The following DIAPH2 variants were observed in gnomAD, a reference collection of about 807,000 sequenced individuals.
The protein encoded by DIAPH2 is diaphanous related formin 2.
A neutral mutation model predicts 92.7 loss-of-function variants in DIAPH2; 35 were observed. The observed-to-expected ratio is 0.38, with a 90% CI of 0.29 to 0.50. The LOEUF is 0.50. Among genes scored for constraint, DIAPH2 ranks in the 20% least tolerant of loss-of-function variants. The probability of loss-of-function intolerance (pLI) is 0.94; values close to 1 mark genes in which losing one functional copy is unlikely to be tolerated. For synonymous variants in DIAPH2, 301 were observed against 280.4 expected, an observed-to-expected ratio of 1.07 and a Z score of -0.73; for missense variants, 701 against 819.5, an observed-to-expected ratio of 0.86 and a Z score of 1.77.
At chrX:97,531,094 A>G (rs1031705317) in intron 26 of DIAPH2, among the ~76,000 whole-genome samples, 2 of 111,119 alleles carry the variant, frequency 1.8e-5, no homozygotes, top group East Asian at 2.8e-4. Context: ...ATTTTGGTCC[A>G]TTAATTTGTA....
Position 97,130,642 on chromosome X carries a change from A to G in DIAPH2, c.2590-11023A>G, listed in dbSNP as rs182721013. Among the ~76,000 whole-genome samples the G allele has an allele frequency of 9.0e-5, 10 of 111,712 alleles. No homozygotes were observed. In the East Asian group the frequency reaches 2.8e-3, roughly 31 times the overall value. On this transcript the variant is annotated intron_variant, in intron 21 of 26. Coordinates refer to ENST00000324765, the MANE Select transcript of DIAPH2 (RefSeq NM_006729.5). The stretch of plus-strand genomic sequence containing the variant: ...TTAATGTTTAATGGGTAACAGTTTC[A>G]GTATAGGATGATTAAAACGTCCTGG...
At chrX:97,071,414 T>C (rs1391596190) in intron 17 of DIAPH2, among the ~76,000 whole-genome samples, 1 of 111,020 alleles carries the variant, frequency 9.0e-6, no homozygotes, top group Non-Finnish European at 1.9e-5. Flanking sequence ...AAAAGTCACT[T>C]TTCTTCCAGT....
chrX:97,135,259 C>T (rs762570600), intron 21 of DIAPH2, among the ~76,000 whole-genome samples: 4 of 111,220 alleles, frequency 3.6e-5, no homozygotes, highest in African/African-American at 9.8e-5. Context: ...AGTGCAGTGG[C>T]GCAATCTCGG....
At chrX:97,026,850 A>G (rs2066338686) in intron 17 of DIAPH2, among the ~76,000 whole-genome samples, 1 of 112,211 alleles carries the variant, frequency 8.9e-6, no homozygotes, top group South Asian at 3.7e-4. Context: ...TTGTGTGAGG[A>G]GTTGCTAAGT....
chrX:97,450,180 A>G (rs1030781268), intron 26 of DIAPH2, among the ~76,000 whole-genome samples: 1 of 111,738 alleles, frequency 8.9e-6, no homozygotes, highest in Admixed American at 9.6e-5. Flanking sequence ...AGATATATCC[A>G]CCAGCTGTGA....
chrX:97,327,271 G>A (rs2068959580), intron 23 of DIAPH2, among the ~76,000 whole-genome samples: 1 of 108,487 alleles, frequency 9.2e-6, no homozygotes, highest in Non-Finnish European at 1.9e-5. Context: ...GCTAATTTTT[G>A]TATTTTTAGT....
chrX:97,393,406 C>T (rs1277584500), intron 25 of DIAPH2, among the ~76,000 whole-genome samples: 1 of 111,949 alleles, frequency 8.9e-6, no homozygotes, highest in Non-Finnish European at 1.9e-5. Context: ...ATCCAATCAA[C>T]GTTTATTGCA....
At chrX:96,960,328 G>T (rs1318102890) in intron 16 of DIAPH2, among the ~76,000 whole-genome samples, 4 of 110,269 alleles carry the variant, frequency 3.6e-5, no homozygotes, top group Non-Finnish European at 7.6e-5. Flanking sequence ...TTACTTCTTT[G>T]GTTAAATTTA....
chrX:97,292,193 T>G (rs2147613899), intron 23 of DIAPH2, among the ~76,000 whole-genome samples: 1 of 109,125 alleles, frequency 9.2e-6, no homozygotes, highest in African/African-American at 3.3e-5. Flanking sequence ...CACACCAGGC[T>G]AATTTTTTAA....
intron 22 of DIAPH2, among the ~76,000 whole-genome samples, chrX:97,227,632 C>A (rs760355381): frequency 9.0e-6 from 1 of 111,612 alleles, no homozygotes; most frequent in African/African-American, 3.3e-5. Context: ...TAGTTTATTC[C>A]AAGTCTTACA....
At chrX:97,175,936 A>C (rs143796173) in intron 22 of DIAPH2, among the ~76,000 whole-genome samples, 1 of 112,272 alleles carries the variant, frequency 8.9e-6, no homozygotes, top group East Asian at 2.8e-4. Flanking sequence ...TTATTTGTGA[A>C]TCATTTATCT....
intron 5 of DIAPH2, among the ~76,000 whole-genome samples, chrX:96,904,161 A>G (rs2065417610): frequency 8.9e-6 from 1 of 111,876 alleles, no homozygotes; most frequent in African/African-American, 3.2e-5. Context: ...TGGTGTTTCT[A>G]AGGCAATTGT....
chrX:97,526,896 A>C (rs1257323240), intron 26 of DIAPH2, among the ~76,000 whole-genome samples: 2 of 111,156 alleles, frequency 1.8e-5, no homozygotes, highest in African/African-American at 3.3e-5. Flanking sequence ...TCCCTACCCA[A>C]CTATGACTCT....
chrX:97,096,920 TCCTGGGAGCCC>T (rs1473884031), intron 19 of DIAPH2, among the ~76,000 whole-genome samples: 1 of 111,279 alleles, frequency 9.0e-6, no homozygotes, highest in Non-Finnish European at 1.9e-5. Context: ...AAAATGTCTT[TCCTGGGAGCCC>T]CCTTAGTCCA....
intron 23 of DIAPH2, among the ~76,000 whole-genome samples, chrX:97,306,464 A>G (rs1253954612): frequency 9.0e-6 from 1 of 111,527 alleles, no homozygotes; most frequent in Non-Finnish European, 1.9e-5. Flanking sequence ...ATACAGACCT[A>G]TCATTACCAT....
intron 22 of DIAPH2, among the ~76,000 whole-genome samples, chrX:97,187,266 G>GACTAATTA (rs2067612556): frequency 1.2e-5 from 1 of 82,245 alleles, no homozygotes; most frequent in Non-Finnish European, 2.2e-5. Context: ...AGGGATTGAA[G>GACTAATTA]ACTAATTAAG....
chrX:96,838,135 A>T (rs1387459826), intron 4 of DIAPH2, among the ~76,000 whole-genome samples: 9 of 112,079 alleles, frequency 8.0e-5, no homozygotes, highest in African/African-American at 2.9e-4. Context: ...CTTTGAAAAT[A>T]GCCAAAATTT....
At chrX:97,201,162 G>T (rs752553770) in intron 22 of DIAPH2, among the ~76,000 whole-genome samples, 1 of 92,718 alleles carries the variant, frequency 1.1e-5, no homozygotes, top group Non-Finnish European at 2.1e-5. Flanking sequence ...CCATCCAAAG[G>T]TCATCAGCCT....
intron 23 of DIAPH2, among the ~76,000 whole-genome samples, chrX:97,323,542 G>A (rs1191731505): frequency 2.1e-5 from 2 of 94,836 alleles, no homozygotes; most frequent in Non-Finnish European, 4.1e-5. Flanking sequence ...AGTGAGCCGA[G>A]ATCGCACCAT....
Sources: gnomAD v4.1 joint callset for allele counts (sites outside exome capture counted in the v4.1 genomes callset) on GRCh38, gnomAD v4.1.1 for gene constraint, MANE v1.5 for transcripts, NCBI Gene and HGNC (gene_info 2026-07-23, HGNC 2026-07-21) for gene names.